Variants in B4GALT1 observed in about 807,000 individuals in gnomAD.
B4GALT1 encodes N-acetyllactosamine synthase.
A neutral mutation model predicts 34.9 loss-of-function variants in B4GALT1; 16 were observed. That is an observed-to-expected ratio of 0.46 (90% confidence interval 0.31 to 0.70). B4GALT1 has a LOEUF of 0.70. Among genes scored for constraint, B4GALT1 ranks in the 30% least tolerant of loss-of-function variants. The pLI is 0.05. For missense variants in B4GALT1, 445 were observed against 530.5 expected (o/e 0.84, Z 1.58); for synonymous variants, 221 against 218.1 (o/e 1.01, Z -0.12).
At chr9:33,114,210 G>T (rs1839907569) in intron 4 of B4GALT1, among the ~76,000 whole-genome samples, 1 of 152,250 alleles carries the variant, frequency 6.6e-6, no homozygotes, top group African/African-American at 2.4e-5. Flanking sequence ...AGATGAGGTT[G>T]GAGACACAGA....
At chr9:33,120,363 T>C (rs1188207780) in intron 3 of B4GALT1, 56 bp downstream of exon 3, 16 of 1,595,980 alleles carry the variant, frequency 1.0e-5, no homozygotes, top group South Asian at 2.2e-5. Flanking sequence ...CTGCATTTCC[T>C]AGTCAACACA....
At chr9:33,129,140 C>T (rs1244513489) in intron 2 of B4GALT1, among the ~76,000 whole-genome samples, 2 of 152,090 alleles carry the variant, frequency 1.3e-5, no homozygotes, top group Non-Finnish European at 1.5e-5. Flanking sequence ...TGGAGCCTTC[C>T]CTCTGCAGGA....
At chr9:33,178,630 T>C in the B4GALT1 span, among the ~76,000 whole-genome samples, 2 of 152,190 alleles carry the variant, frequency 1.3e-5, no homozygotes, top group Non-Finnish European at 2.9e-5. Flanking sequence ...CTCAGTGACT[T>C]TGGTCATCCA....
chr9:33,165,219 C>T (rs901151062), intron 1 of B4GALT1, among the ~76,000 whole-genome samples: 8 of 151,642 alleles, frequency 5.3e-5, no homozygotes, highest in Non-Finnish European at 1.2e-4. Flanking sequence ...CCACTCCCCT[C>T]AGCCTCCCAA....
At chr9:33,172,184 C>T (rs1283018187), upstream of B4GALT1, among the ~76,000 whole-genome samples, 1 of 152,120 alleles carries the variant, frequency 6.6e-6, no homozygotes, top group African/African-American at 2.4e-5. Flanking sequence ...TGAAATCTCC[C>T]TGTGGTGACT....
At chr9:33,161,080 C>A (rs1012904469) in intron 1 of B4GALT1, among the ~76,000 whole-genome samples, 30 of 152,008 alleles carry the variant, frequency 2.0e-4, no homozygotes, top group African/African-American at 7.2e-4. Context: ...GGAGAAGCAG[C>A]GGGTGTGGGG....
intron 1 of B4GALT1, among the ~76,000 whole-genome samples, chr9:33,161,999 G>C (rs1028451190): frequency 2.6e-5 from 4 of 152,164 alleles, no homozygotes; most frequent in African/African-American, 9.7e-5. Context: ...CCCTAGGGTG[G>C]AATCTGTGGA....
intron 2 of B4GALT1, among the ~76,000 whole-genome samples, chr9:33,126,461 G>A (rs1448005132): frequency 6.6e-6 from 1 of 152,108 alleles, no homozygotes; most frequent in East Asian, 1.9e-4. Flanking sequence ...TTTTTTTGCA[G>A]GGGAGACAGG....
chr9:33,163,054 C>A (rs1468583195), intron 1 of B4GALT1, among the ~76,000 whole-genome samples: 2 of 152,140 alleles, frequency 1.3e-5, no homozygotes, highest in African/African-American at 4.8e-5. Context: ...AAGCTCCACC[C>A]CAAGCCGGAA....
chr9:33,127,447 A>T (rs1396398806), intron 2 of B4GALT1, among the ~76,000 whole-genome samples: 2 of 152,372 alleles, frequency 1.3e-5, no homozygotes, highest in East Asian at 3.9e-4. Flanking sequence ...CTTCTCTTTC[A>T]GAAAGCAATT....
At chr9:33,164,914 G>A (rs1840725577) in intron 1 of B4GALT1, among the ~76,000 whole-genome samples, 1 of 150,234 alleles carries the variant, frequency 6.7e-6, no homozygotes, top group Non-Finnish European at 1.5e-5. Context: ...ACTTTTTAAA[G>A]ATCCTAAGCA....
At chr9:33,144,066 A>C (rs1384085774) in intron 1 of B4GALT1, among the ~76,000 whole-genome samples, 1 of 151,930 alleles carries the variant, frequency 6.6e-6, no homozygotes, top group Non-Finnish European at 1.5e-5. Context: ...TTTTTTGTAG[A>C]GATAAGGTCT....
At chr9:33,105,086 C>T (rs1420415494) in intron 2 of B4GALT1, among the ~76,000 whole-genome samples, 2 of 152,088 alleles carry the variant, frequency 1.3e-5, no homozygotes, top group African/African-American at 2.4e-5. Flanking sequence ...TCCCAAAGTG[C>T]TGGGATTACT....
At chr9:33,109,789 C>A (rs747181410), downstream of B4GALT1, among the ~76,000 whole-genome samples, 1 of 152,188 alleles carries the variant, frequency 6.6e-6, no homozygotes, top group Non-Finnish European at 1.5e-5. Context: ...CTGTAGGACA[C>A]CCAGCTAGTG....
At chr9:33,120,348 C>T in intron 3 of B4GALT1, 71 bp downstream of exon 3, 3 of 1,566,682 alleles carry the variant, frequency 1.9e-6, no homozygotes, top group Non-Finnish European at 2.6e-6. Context: ...CTTGAGCTGC[C>T]AGGACTGCAT....
intron 2 of B4GALT1, 22 bp from the exon 3 acceptor site, chr9:33,120,628 T>A (rs768243474): frequency 6.2e-7 from 1 of 1,612,928 alleles, no homozygotes; most frequent in Non-Finnish European, 8.5e-7. Context: ...ACAAAAACAG[T>A]GATATCAAAT....
upstream of B4GALT1, among the ~76,000 whole-genome samples, chr9:33,172,081 A>G (rs145884102): frequency 3.2e-3 from 489 of 152,314 alleles, 6 homozygotes; most frequent in African/African-American, 0.011. Context: ...TCACTGCCCA[A>G]TGTTCTAGAA....
At chr9:33,136,598 G>A (rs1840276456) in intron 1 of B4GALT1, among the ~76,000 whole-genome samples, 1 of 152,224 alleles carries the variant, frequency 6.6e-6, no homozygotes, top group African/African-American at 2.4e-5. Context: ...AAGGCTCTGA[G>A]AAGTTGTGCA....
the B4GALT1 span, chr9:33,174,410 A>T: frequency 1.3e-5 from 2 of 152,230 alleles, no homozygotes; most frequent in Non-Finnish European, 2.9e-5. Context: ...GCACTTTGGG[A>T]GGCTGAGGCA....
Sources: gnomAD v4.1 joint callset for allele counts (sites outside exome capture counted in the v4.1 genomes callset) on GRCh38, gnomAD v4.1.1 for gene constraint, MANE v1.5 for transcripts, NCBI Gene and HGNC (gene_info 2026-07-23, HGNC 2026-07-21) for gene names.